The following NAV1 variants were observed in gnomAD, a reference collection of about 807,000 sequenced individuals.
NAV1 encodes the protein neuron navigator 1, also known as pore membrane and/or filament interacting like protein 3.
A neutral mutation model predicts 175.2 loss-of-function variants in NAV1; 18 were observed. That is an observed-to-expected ratio of 0.10 (90% confidence interval 0.07 to 0.15). The LOEUF (loss-of-function observed/expected upper bound fraction) is 0.15. NAV1 is among the 10% of genes least tolerant of loss of function. The pLI is 1.00. For missense variants in NAV1, 1,731 were observed against 2,436.6 expected, an observed-to-expected ratio of 0.71 and a Z score of 6.10; for synonymous variants, 897 against 978.7, an observed-to-expected ratio of 0.92 and a Z score of 1.56.
At chr1:201,627,244 AGCCACCACCCTG>A (rs1473937162) in intron 1 of NAV1, among the ~76,000 whole-genome samples, 2 of 151,846 alleles carry the variant, frequency 1.3e-5, no homozygotes, top group Non-Finnish European at 2.9e-5. Flanking sequence ...AACAGTTGTG[AGCCACCACCCTG>A]GCCTATTCCT....
intron 13 of NAV1, chr1:201,793,501 C>G: frequency 2.7e-6 from 1 of 376,748 alleles, no homozygotes; most frequent in Non-Finnish European, 5.0e-6. Context: ...AGGGATAGTC[C>G]TACCTCTGGT....
intron 2 of NAV1, among the ~76,000 whole-genome samples, chr1:201,605,246 T>G (rs1199329463): frequency 1.3e-5 from 2 of 151,566 alleles, no homozygotes; most frequent in African/African-American, 4.9e-5. Flanking sequence ...CTCTGCTCCT[T>G]TAGACCTTGG....
At chr1:201,701,240 C>T (rs1238228799) in intron 1 of NAV1, among the ~76,000 whole-genome samples, 3 of 131,704 alleles carry the variant, frequency 2.3e-5, no homozygotes, top group African/African-American at 5.9e-5. Flanking sequence ...GGGTGGGGAA[C>T]ATCACACATG....
chr1:201,622,118 C>G (rs12041236), upstream of NAV1, among the ~76,000 whole-genome samples: 2 of 148,234 alleles, frequency 1.3e-5, no homozygotes, highest in African/African-American at 2.5e-5. Flanking sequence ...ACGAGGGTGG[C>G]AGGAGGTGGC....
chr1:201,592,018 G>T (rs892347850), intron 2 of NAV1, among the ~76,000 whole-genome samples: 7 of 152,258 alleles, frequency 4.6e-5, no homozygotes, highest in African/African-American at 1.7e-4. Context: ...GCCTGTGCAG[G>T]CTGCAGGCTA....
chr1:201,635,229 T>C (rs1371830186), intron 2 of NAV1, among the ~76,000 whole-genome samples: 2 of 151,730 alleles, frequency 1.3e-5, no homozygotes, highest in African/African-American at 2.4e-5. Flanking sequence ...GTATTTTTAG[T>C]AGAGACGGGG....
At chr1:201,806,285 T>C (rs1678274332) in intron 17 of NAV1, among the ~76,000 whole-genome samples, 1 of 152,122 alleles carries the variant, frequency 6.6e-6, no homozygotes, top group South Asian at 2.1e-4. Flanking sequence ...GCGCCCAGCC[T>C]AAGTACTGCA....
chr1:201,697,488 C>G (rs1396701746), intron 1 of NAV1, among the ~76,000 whole-genome samples: 1 of 152,190 alleles, frequency 6.6e-6, no homozygotes, highest in Non-Finnish European at 1.5e-5. Context: ...TAATCCTCCT[C>G]AAAGCTCAAC....
chr1:201,620,957 G>A (rs1668151618), upstream of NAV1, among the ~76,000 whole-genome samples: 1 of 152,028 alleles, frequency 6.6e-6, no homozygotes, highest in African/African-American at 2.4e-5. Context: ...GTCTCACTCT[G>A]TCACCTAGGC....
At chr1:201,738,990 A>G (rs1037028714) in intron 3 of NAV1, among the ~76,000 whole-genome samples, 3 of 152,202 alleles carry the variant, frequency 2.0e-5, no homozygotes, top group Admixed American at 2.0e-4. Context: ...GGGTGAGGGC[A>G]GCAGGCTAAT....
Position 201,740,016 on chromosome 1 carries a change from CG to C in NAV1, c.1226+21265del. The C allele has an allele frequency of 2.7e-6, 4 of 1,480,730 alleles. No homozygotes were observed. Among genetic ancestry groups the C allele is most frequent in the South Asian group, 1.3e-5 (1 of 75,030 alleles). The allele number at this position is 1,480,730 out of a possible 1,614,324, so 91.7% of individuals were successfully genotyped here. A position where few individuals can be genotyped will look rare whatever the true frequency, so the allele number is the denominator to read the frequency against. On this transcript the variant is annotated intron_variant, in intron 3 of 29. Transcript: ENST00000367296. The surrounding 1 kb of genome is among the most constrained non-coding windows in gnomAD (Gnocchi z 4.7). The stretch of plus-strand genomic sequence containing the variant: ...CCACCCGGTGAATGGCCGCCTGAGC[CG>C]GGGAAGATGCTTCATCTGCCCCTGC...
intron 15 of NAV1, among the ~76,000 whole-genome samples, chr1:201,799,102 A>G (rs1677666650): frequency 6.6e-6 from 1 of 152,172 alleles, no homozygotes; most frequent in African/African-American, 2.4e-5. Context: ...GAAAAAAGAA[A>G]AGAAAGAATA....
chr1:201,726,589 A>G (rs996268982), intron 3 of NAV1, among the ~76,000 whole-genome samples: 3 of 149,790 alleles, frequency 2.0e-5, no homozygotes, highest in Admixed American at 1.4e-4. Flanking sequence ...TGGAAGTTGT[A>G]GTGAGCCAAG....
chr1:201,636,372 G>A (rs1668619666), intron 2 of NAV1, among the ~76,000 whole-genome samples: 1 of 152,312 alleles, frequency 6.6e-6, no homozygotes, highest in Non-Finnish European at 1.5e-5. Flanking sequence ...CTGCGGGCAG[G>A]CTTACACAGA....
rs754406331 is a variant in NAV1, at chr1:201,782,742, A to C, written c.2230A>C (p.Lys744Gln). 1 of 1,614,124 alleles carries C rather than the reference A, an allele frequency of 6.2e-7. No individual in the cohort carries two copies. The highest frequency in any genetic ancestry group is 1.1e-5 in the South Asian group (1 of 91,086). ...TCGGGAAAAGGAGAAGGCCAAAGCC[A>C]AGGCAGTGGCCTTGGACTCAGACAA... Residue 744 changes from lysine to glutamine, a missense_variant, in exon 6 of 30, where the codon AAG becomes CAG. Around this residue, in one of 13 missense-constraint regions of NAV1, gnomAD observed 634 missense variants for 766.8 expected, o/e 0.83. Coordinates refer to ENST00000367296, the Ensembl canonical transcript of NAV1. The surrounding 1 kb of genome is among the most constrained non-coding windows in gnomAD (Gnocchi z 5.4).
chr1:201,588,506 C>A (rs1465912825), intron 1 of NAV1, among the ~76,000 whole-genome samples, 33 bp from the exon 2 acceptor site: 4 of 149,652 alleles, frequency 2.7e-5, no homozygotes, highest in Non-Finnish European at 5.9e-5. Flanking sequence ...TGCCACCACA[C>A]CCAGCTGATT....
intron 3 of NAV1, among the ~76,000 whole-genome samples, chr1:201,742,196 G>C (rs1158356009): frequency 6.6e-6 from 1 of 152,208 alleles, no homozygotes; most frequent in East Asian, 1.9e-4. Flanking sequence ...GCTCTGGGGA[G>C]GGCTCAAAAC....
Position 201,574,342 on chromosome 1 carries a change from G to A in NAV1, c.-143-14197G>A, listed in dbSNP as rs115044513. ...CTCTGGAGAGATCCAAGATTGCTCC[G>A]TGGAGCAGGTGGCATGAGAATTGGA... On this transcript the variant is annotated intron_variant, in intron 1 of 33. Coordinates refer to the NAV1 transcript ENST00000685211. 5.4e-3 allele frequency among the ~76,000 whole-genome samples: 819 copies of A among 152,230 alleles called. 13 individuals carry two copies. The highest frequency in any genetic ancestry group is 0.019 in the African/African-American group (780 of 41,530).
At chr1:201,605,243 C>T (rs188541097) in intron 2 of NAV1, among the ~76,000 whole-genome samples, 93 of 151,146 alleles carry the variant, frequency 6.2e-4, no homozygotes, top group Non-Finnish European at 1.1e-3. Flanking sequence ...CCTCTCTGCT[C>T]CTTTAGACCT....
Sources: allele counts gnomAD v4.1 joint callset (sites outside exome capture counted in the v4.1 genomes callset), GRCh38; gene constraint gnomAD v4.1.1; regional missense constraint gnomAD v4.1.1; non-coding constraint Gnocchi (gnomAD v3.1); transcripts MANE v1.5; gene names NCBI Gene and HGNC (gene_info 2026-07-23, HGNC 2026-07-21).